MAML3: variants seen among roughly 807,000 people sequenced by gnomAD.
MAML3 encodes the protein mastermind like transcriptional coactivator 3.
Under a neutral mutation model 101.9 loss-of-function variants are expected in MAML3, and 27 were observed. The ratio of observed to expected loss-of-function variants is 0.27; its 90% CI spans 0.20 to 0.37. MAML3 has a LOEUF of 0.37. Among genes scored for constraint, MAML3 ranks in the 10% least tolerant of loss-of-function variants. The pLI is 1.00. For synonymous variants in MAML3, 501 were observed against 555.9 expected, an observed-to-expected ratio of 0.90 and a Z score of 1.39; for missense variants, 1,316 against 1,444.9, an observed-to-expected ratio of 0.91 and a Z score of 1.45.
At chr4:140,139,845 C>G (rs141449603) in intron 1 of MAML3, among the ~76,000 whole-genome samples, 1 of 152,102 alleles carries the variant, frequency 6.6e-6, no homozygotes, top group East Asian at 1.9e-4. Context: ...AGGTGAAAGT[C>G]ATCCTTGAAA....
At chr4:139,843,210 A>T (rs1731392711) in intron 2 of MAML3, among the ~76,000 whole-genome samples, 1 of 152,122 alleles carries the variant, frequency 6.6e-6, no homozygotes, top group Non-Finnish European at 1.5e-5. Context: ...CCACCTGATA[A>T]TGGGGCTTTG....
chr4:140,130,410 T>C (rs1560903156), intron 1 of MAML3, among the ~76,000 whole-genome samples: 1 of 152,222 alleles, frequency 6.6e-6, no homozygotes, highest in Non-Finnish European at 1.5e-5. Flanking sequence ...TACAGTATTA[T>C]GTTGTATGAG....
intron 1 of MAML3, among the ~76,000 whole-genome samples, chr4:140,053,189 T>C (rs1381690796): frequency 6.6e-6 from 1 of 151,950 alleles, no homozygotes; most frequent in African/African-American, 2.4e-5. Context: ...TGGTTTAGTG[T>C]TGGATAGGCT....
chr4:139,720,771 A>G (rs1728202944), intron 4 of MAML3, among the ~76,000 whole-genome samples: 1 of 152,222 alleles, frequency 6.6e-6, no homozygotes, highest in Non-Finnish European at 1.5e-5. Flanking sequence ...TTTGGAGGTG[A>G]GAGAGAATCC....
intron 1 of MAML3, among the ~76,000 whole-genome samples, chr4:139,905,421 G>A (rs1210308960): frequency 6.9e-6 from 1 of 144,876 alleles, no homozygotes; most frequent in East Asian, 2.0e-4. Context: ...GAACCCGGGA[G>A]GCAGAGCTTG....
chr4:139,762,819 G>A (rs1020914138), intron 2 of MAML3, among the ~76,000 whole-genome samples: 5 of 152,118 alleles, frequency 3.3e-5, no homozygotes, highest in Non-Finnish European at 4.4e-5. Flanking sequence ...ACCATCTGAC[G>A]GGGCTTTAAT....
At chr4:140,011,861 C>T (rs1196281458) in intron 1 of MAML3, among the ~76,000 whole-genome samples, 1 of 152,134 alleles carries the variant, frequency 6.6e-6, no homozygotes, top group Non-Finnish European at 1.5e-5. Context: ...CCACTTTAAA[C>T]ATTCCACCAC....
intron 1 of MAML3, among the ~76,000 whole-genome samples, chr4:139,928,307 T>G (rs1327738163): frequency 6.6e-6 from 1 of 152,226 alleles, no homozygotes; most frequent in Non-Finnish European, 1.5e-5. Flanking sequence ...AAATATTAAT[T>G]TGGCATGTAC....
chr4:139,915,837 C>T (rs716415), intron 1 of MAML3, among the ~76,000 whole-genome samples: 118 of 152,108 alleles, frequency 7.8e-4, no homozygotes, highest in African/African-American at 2.7e-3. Context: ...GGAATTCCTC[C>T]GGAATCACTC....
At chr4:139,917,817 A>T (rs947325087) in intron 1 of MAML3, among the ~76,000 whole-genome samples, 7 of 152,142 alleles carry the variant, frequency 4.6e-5, no homozygotes, top group Non-Finnish European at 7.4e-5. Context: ...GGAAAGTAGG[A>T]GAAAATGACC....
intron 2 of MAML3, among the ~76,000 whole-genome samples, chr4:139,874,900 T>C (rs1392356660): frequency 6.7e-6 from 1 of 150,274 alleles, no homozygotes; most frequent in Admixed American, 6.7e-5. Flanking sequence ...TCCTCCTGGG[T>C]TCACGCCATT....
At chr4:139,749,681 C>T (rs908438091) in intron 2 of MAML3, among the ~76,000 whole-genome samples, 1 of 152,232 alleles carries the variant, frequency 6.6e-6, no homozygotes, top group African/African-American at 2.4e-5. Context: ...ATTCTATTTT[C>T]ACATGCAATT....
chr4:139,845,659 T>C (rs1235950397), intron 2 of MAML3, among the ~76,000 whole-genome samples: 1 of 152,202 alleles, frequency 6.6e-6, no homozygotes, highest in Non-Finnish European at 1.5e-5. Flanking sequence ...GTTTCCTTTA[T>C]CTGAACTAAA....
rs1306201376 is a variant in MAML3 at position 139,717,054 on chromosome 4, T to C, written c.*2269A>G. On this transcript the variant is annotated 3_prime_UTR_variant, in exon 5 of 5. Transcript: ENST00000509479. ...AACAAACAGTATATATATATTTATA[T>C]GTATATTTTTTACAGATAGTAGACC... 1 of 152,438 alleles carries C rather than the reference T, an allele frequency of 6.6e-6. No homozygotes were observed. 9.4% of individuals were successfully genotyped at this position (152,438 alleles called of 1,614,324 possible). A position where few individuals can be genotyped will look rare whatever the true frequency, so the allele number is the denominator to read the frequency against.
At chr4:140,150,087 A>C (rs1285125779) in intron 1 of MAML3, among the ~76,000 whole-genome samples, 1 of 152,130 alleles carries the variant, frequency 6.6e-6, no homozygotes, top group East Asian at 1.9e-4. Context: ...TATTCTGTAC[A>C]CAGCCCTGGC....
In MAML3 at chr4:140,011,156, T is replaced by A. The variant is rs796828276; in HGVS notation, c.469-120189A>T. ...ATATATACACATATGTCATATATATTTATATATATGACATATATGTCATAT... is the reference window on the plus strand; with the variant it reads ...ATATATACACATATGTCATATATATATATATATATGACATATATGTCATAT... On this transcript the variant is annotated intron_variant, in intron 1 of 4. Transcript: ENST00000509479. Among the ~76,000 whole-genome samples, 143 of 78,082 alleles carry A rather than the reference T, an allele frequency of 1.8e-3. 1 individual carries two copies. The highest frequency in any genetic ancestry group is 7.1e-3 in the African/African-American group (134 of 18,850). The allele number at this position is 78,082 out of a possible 152,430, so 51.2% of individuals were successfully genotyped here. A position where few individuals can be genotyped will look rare whatever the true frequency, so the allele number is the denominator to read the frequency against.
At chr4:139,760,133 T>G (rs78703826) in intron 2 of MAML3, among the ~76,000 whole-genome samples, 4,262 of 152,316 alleles carry the variant, frequency 0.028, 176 homozygotes, top group African/African-American at 0.09. Context: ...GTACCCAGAT[T>G]GGTGTCAATC....
intron 1 of MAML3, among the ~76,000 whole-genome samples, chr4:140,122,873 G>C (rs955219998): frequency 6.6e-6 from 1 of 150,740 alleles, no homozygotes; most frequent in Non-Finnish European, 1.5e-5. Flanking sequence ...TAGTTAACTT[G>C]AAGTAAATAT....
At chr4:140,059,928 T>A (rs1727416414) in intron 1 of MAML3, among the ~76,000 whole-genome samples, 1 of 152,212 alleles carries the variant, frequency 6.6e-6, no homozygotes, top group African/African-American at 2.4e-5. Context: ...TTATGATATA[T>A]GAAAGTCAAA....
Sources: allele counts gnomAD v4.1 joint callset (sites outside exome capture counted in the v4.1 genomes callset), GRCh38; gene constraint gnomAD v4.1.1; transcripts MANE v1.5; gene names NCBI Gene and HGNC (gene_info 2026-07-23, HGNC 2026-07-21).